The following CORO2B variants were observed in gnomAD, a reference collection of about 807,000 sequenced individuals.
CORO2B encodes coronin 2B.
In CORO2B, 26 loss-of-function variants were observed where a neutral mutation model predicts 58.8. The observed-to-expected ratio is 0.44, with a 90% CI of 0.32 to 0.61. The LOEUF (loss-of-function observed/expected upper bound fraction) is 0.61, where lower values mean the gene tolerates loss of function less well. Ranked by LOEUF, CORO2B falls within the 20% of genes least tolerant of loss-of-function variation. CORO2B has a pLI of 0.04. For synonymous variants in CORO2B, 242 were observed against 253.8 expected, an observed-to-expected ratio of 0.95 and a Z score of 0.44; for missense variants, 460 against 645.1, an observed-to-expected ratio of 0.71 and a Z score of 3.11.
In CORO2B at chr15:68,595,535, T is replaced by G. The variant is rs1899804860; in HGVS notation, c.15+16258T>G. Among the ~76,000 whole-genome samples, 4 of 152,346 alleles carry G rather than the reference T, an allele frequency of 2.6e-5. No homozygotes were observed. The South Asian group carries it at 8.3e-4, about 32-fold the overall frequency. ...ATCCCCTTCCCTCAGTTCAGCCCCT[T>G]GGGCAGGGCTTCAGGGGCTTCTCCC... On this transcript the variant is annotated intron_variant, in intron 1 of 11. Transcript: ENST00000261861.
intron 2 of CORO2B, among the ~76,000 whole-genome samples, chr15:68,672,159 G>GGTGTGTGTGTGTATGTGTGT (rs1555415407): frequency 2.7e-5 from 4 of 146,178 alleles, no homozygotes; most frequent in Non-Finnish European, 6.0e-5. Context: ...GTAATCGGGA[G>GGTGTGTGTGTGTATGTGTGT]GTGTGTGTGT....
chr15:68,529,475 A>C, the CORO2B span, among the ~76,000 whole-genome samples: 1 of 152,132 alleles, frequency 6.6e-6, no homozygotes, highest in Non-Finnish European at 1.5e-5. Flanking sequence ...CCCTTTATCA[A>C]TTGGCCATTT....
chr15:68,637,803 G>A (rs1439732718), intron 1 of CORO2B, among the ~76,000 whole-genome samples: 1 of 152,198 alleles, frequency 6.6e-6, no homozygotes, highest in Admixed American at 6.5e-5. Context: ...TGATGTGAAT[G>A]TAGCCACATT....
chr15:68,642,316 T>C (rs1372462592), intron 1 of CORO2B, among the ~76,000 whole-genome samples: 2 of 152,156 alleles, frequency 1.3e-5, no homozygotes, highest in Non-Finnish European at 2.9e-5. Context: ...AGTCCGGTTC[T>C]TGTGACCCTT....
At chr15:68,670,710 GA>G (rs1405820343) in intron 2 of CORO2B, among the ~76,000 whole-genome samples, 1 of 152,088 alleles carries the variant, frequency 6.6e-6, no homozygotes, top group Non-Finnish European at 1.5e-5. Context: ...AGCAAATGAA[GA>G]TATAAGCAAC....
At chr15:68,713,237 G>A (rs1443887279) in intron 5 of CORO2B, among the ~76,000 whole-genome samples, 3 of 152,104 alleles carry the variant, frequency 2.0e-5, no homozygotes, top group Non-Finnish European at 4.4e-5. Flanking sequence ...CTCAAAATGG[G>A]GATAATGATT....
At chr15:68,693,931 G>T (rs1438314980) in intron 2 of CORO2B, among the ~76,000 whole-genome samples, 1 of 152,206 alleles carries the variant, frequency 6.6e-6, no homozygotes, top group Non-Finnish European at 1.5e-5. Context: ...CGCCTCCTGG[G>T]TTCAAGCGAT....
At chr15:68,719,256 C>G in intron 10 of CORO2B, 22 bp downstream of exon 10, 1 of 1,611,092 alleles carries the variant, frequency 6.2e-7, no homozygotes, top group South Asian at 1.1e-5. Context: ...GGGGGCTCCA[C>G]AGAGCACAGG....
At chr15:68,668,209 C>T (rs993323899) in intron 2 of CORO2B, among the ~76,000 whole-genome samples, 1 of 152,292 alleles carries the variant, frequency 6.6e-6, no homozygotes. Flanking sequence ...CCTCGGTCAG[C>T]GAGAGGGCCT....
At chr15:68,636,966 A>C (rs1383751606) in intron 1 of CORO2B, among the ~76,000 whole-genome samples, 1 of 152,168 alleles carries the variant, frequency 6.6e-6, no homozygotes, top group Non-Finnish European at 1.5e-5. Context: ...AGGAGTTTTC[A>C]ATTTAATTTT....
At chr15:68,669,069 AAGAG>A (rs113835286) in intron 2 of CORO2B, among the ~76,000 whole-genome samples, 2,137 of 145,988 alleles carry the variant, frequency 0.015, 24 homozygotes, top group Non-Finnish European at 0.018. Context: ...GAAAGAGAGA[AAGAG>A]AGAGAGAGAG....
rs951582617 is a variant in CORO2B at position 68,656,935 on chromosome 15, G to A, written c.216+11575G>A. Among the ~76,000 whole-genome samples the A allele has an allele frequency of 3.3e-5, 5 of 152,254 alleles. No individual in the cohort carries two copies. In the South Asian group the frequency reaches 8.3e-4, roughly 25 times the overall value. On this transcript the variant is annotated intron_variant, in intron 2 of 11. Coordinates refer to ENST00000261861, the MANE Select transcript of CORO2B (RefSeq NM_006091.5). ...GTGCAAGTCTGCTGGTGTGATCCTG[G>A]CTTGCTGGGCTCTGATGCACCCTCC...
chr15:68,700,746 G>A (rs1053884231), intron 3 of CORO2B, among the ~76,000 whole-genome samples: 2 of 152,236 alleles, frequency 1.3e-5, no homozygotes, highest in Non-Finnish European at 2.9e-5. Flanking sequence ...GCAGGGAAGG[G>A]CGCTATCGGT....
chr15:68,719,051 G>A lies in CORO2B; in HGVS notation c.1081-93G>A, dbSNP rs369704417. ...GCATAGAGGCAGGAGAGCAGGTAGA[G>A]TGACTGGAGATCAGTAAGAAGAGTC... On this transcript the variant is annotated intron_variant, in intron 9 of 11. Transcript: ENST00000261861. 4,920 of 1,056,052 alleles carry A rather than the reference G, an allele frequency of 4.7e-3. 37 individuals are homozygous for A. The highest frequency in any genetic ancestry group is 4.7e-3 in the Non-Finnish European group (3,182 of 677,916). 65.4% of individuals were successfully genotyped at this position (1,056,052 alleles called of 1,614,324 possible). A position where few individuals can be genotyped will look rare whatever the true frequency, so the allele number is the denominator to read the frequency against.
chr15:68,714,460 A>C (rs1892986131), intron 6 of CORO2B, 99 bp from the exon 7 acceptor site: 3 of 872,960 alleles, frequency 3.4e-6, no homozygotes, highest in Non-Finnish European at 5.7e-6. Flanking sequence ...GGGAGGTCTT[A>C]ACATAAAGTA....
intron 1 of CORO2B, among the ~76,000 whole-genome samples, chr15:68,627,515 T>G (rs1488104711): frequency 6.6e-6 from 1 of 152,016 alleles, no homozygotes; most frequent in Non-Finnish European, 1.5e-5. Flanking sequence ...TGGACTCTCT[T>G]GGGGTTGGGG....
chr15:68,676,802 T>C (rs1445838359), intron 2 of CORO2B, among the ~76,000 whole-genome samples: 1 of 151,922 alleles, frequency 6.6e-6, no homozygotes, highest in African/African-American at 2.4e-5. Flanking sequence ...GACAGAGTCA[T>C]GCTCTGTCAC....
chr15:68,711,514 C>A (rs1181946895), intron 4 of CORO2B, 28 bp from the exon 5 acceptor site: 14 of 1,598,878 alleles, frequency 8.8e-6, no homozygotes, highest in African/African-American at 2.7e-5. Context: ...AGCCACTGAC[C>A]CTGCCTCCCA....
chr15:68,628,836 T>C (rs778589336), intron 1 of CORO2B, among the ~76,000 whole-genome samples: 1 of 152,204 alleles, frequency 6.6e-6, no homozygotes, highest in African/African-American at 2.4e-5. Flanking sequence ...TAAGCATTGC[T>C]GGGTACAAGA....
Sources: gnomAD v4.1 joint callset for allele counts (sites outside exome capture counted in the v4.1 genomes callset) on GRCh38, gnomAD v4.1.1 for gene constraint, MANE v1.5 for transcripts, NCBI Gene and HGNC (gene_info 2026-07-23, HGNC 2026-07-21) for gene names.